ALDH1A1: variants seen among roughly 807,000 people sequenced by gnomAD.
ALDH1A1 encodes the protein aldehyde dehydrogenase 1A1.
ALDH1A1 carries 19 observed loss-of-function variants against 62.1 expected under a neutral mutation model. That is an observed-to-expected ratio of 0.31 (90% CI 0.21 to 0.45). The LOEUF is 0.45. Ranked by LOEUF, ALDH1A1 falls within the 20% of genes least tolerant of loss-of-function variation. The probability of loss-of-function intolerance (pLI) is 1.00; values close to 1 mark genes in which losing one functional copy is unlikely to be tolerated. For synonymous variants in ALDH1A1, 231 were observed against 215.9 expected, an observed-to-expected ratio of 1.07 and a Z score of -0.61; for missense variants, 521 against 607.1, an observed-to-expected ratio of 0.86 and a Z score of 1.49.
intron 3 of ALDH1A1, among the ~76,000 whole-genome samples, chr9:72,929,801 C>A (rs924500587): frequency 2.6e-5 from 4 of 152,162 alleles, no homozygotes; most frequent in Non-Finnish European, 5.9e-5. Flanking sequence ...CAAAATTTAA[C>A]CAAATGTGAC....
At position 72,912,056 on chromosome 9, in the gene ALDH1A1, G is replaced by T. The variant is rs747487020; in HGVS notation, c.1102C>A (p.Leu368Met). ...IESGKKEGAK[L>M]ECGGGPWGNK... ...CCCCACGGGCCTCCTCCACATTCCA[G>T]TTTGGCCCCTTCTTTCTTCCCACTC... Residue 368 changes from leucine (L) to methionine (M), a missense_variant, in exon 10 of 13, where the codon CTG becomes ATG. By Grantham distance (15) the Leu-to-Met change is conservative. Coordinates refer to ENST00000297785, the MANE Select transcript of ALDH1A1 (RefSeq NM_000689.5). 1.9e-6 allele frequency: 3 copies of T among 1,613,756 alleles called. No individual in the cohort carries two copies. The South Asian group carries it at 3.3e-5, about 18-fold the overall frequency.
chr9:72,914,189 G>T (rs1451063141), intron 9 of ALDH1A1, among the ~76,000 whole-genome samples: 2 of 152,022 alleles, frequency 1.3e-5, no homozygotes, highest in African/African-American at 2.4e-5. Context: ...AGGCTTAATG[G>T]GTTAAAGAAG....
intron 7 of ALDH1A1, among the ~76,000 whole-genome samples, chr9:72,920,993 AT>A (rs984696689): frequency 2.6e-5 from 4 of 152,214 alleles, no homozygotes; most frequent in Non-Finnish European, 4.4e-5. Context: ...CACGCCTGTA[AT>A]CCCAGCACTC....
intron 1 of ALDH1A1, 112 bp from the exon 2 acceptor site, chr9:72,940,364 C>T: frequency 1.4e-6 from 1 of 733,664 alleles, no homozygotes. Flanking sequence ...ATGCACATCT[C>T]TTCACCTCTC....
intron 7 of ALDH1A1, among the ~76,000 whole-genome samples, chr9:72,921,101 G>T (rs542320235): frequency 6.6e-6 from 1 of 152,102 alleles, no homozygotes; most frequent in Non-Finnish European, 1.5e-5. Context: ...CAAAAAATTA[G>T]CTGGGCGTGG....
chr9:72,906,017 G>T lies in ALDH1A1; in HGVS notation c.1374C>A (p.Gly458=). 6.2e-7 allele frequency: 1 copy of T among 1,611,196 alleles called. No individual in the cohort carries two copies. Among genetic ancestry groups the T allele is most frequent in the South Asian group, 1.1e-5 (1 of 90,634 alleles). Residue 458 remains glycine, a synonymous_variant, in exon 12 of 13, where the codon GGC becomes GGA. Transcript: ENST00000297785. ...CAAAGGGGCACTGGGCACTTACCAC[G>T]CCATAGCAATTCACCCTGAAGGAAA... ...QAGTVWVNCY[G]VVSAQCPFGG...
chr9:72,903,930 G>A (rs191650334), intron 12 of ALDH1A1, among the ~76,000 whole-genome samples: 1 of 152,158 alleles, frequency 6.6e-6, no homozygotes, highest in Admixed American at 6.6e-5. Flanking sequence ...TTTGTACAAA[G>A]TAATTAGTTT....
intron 6 of ALDH1A1, among the ~76,000 whole-genome samples, chr9:72,924,616 T>C (rs1393302939): frequency 6.6e-6 from 1 of 152,212 alleles, no homozygotes; most frequent in Non-Finnish European, 1.5e-5. Context: ...GTTAAGTAAA[T>C]ACTGTCATCC....
At chr9:72,921,503 C>CTTTTTTTTTTTTTTTTTTTTTT (rs11327072) in intron 7 of ALDH1A1, among the ~76,000 whole-genome samples, 3 of 109,504 alleles carry the variant, frequency 2.7e-5, no homozygotes, top group Non-Finnish European at 5.4e-5. Context: ...ACATTTAATT[C>CTTTTTTTTTTTTTTTTTTTTTT]TTTTTTTTTT....
At chr9:72,924,277 C>T (rs1830178915) in intron 6 of ALDH1A1, 145 bp from the exon 7 acceptor site, 2 of 573,452 alleles carry the variant, frequency 3.5e-6, no homozygotes, top group East Asian at 3.1e-5. Context: ...ATTCTTTAGT[C>T]TTATTATGTC....
In ALDH1A1 at chr9:72,948,618, A is replaced by C. The variant is rs1246712354; in HGVS notation, c.66+4317T>G. ...TTAAAGCACCTTCCCAAAAATCCTC[A>C]TCAAAAGCTCTTCTACTCATATCCT... On this transcript the variant is annotated intron_variant, in intron 1 of 12. Coordinates refer to ENST00000297785, the MANE Select transcript of ALDH1A1 (RefSeq NM_000689.5). 2.6e-5 allele frequency among the ~76,000 whole-genome samples: 4 copies of C among 151,918 alleles called. No homozygotes were observed. In the East Asian group the frequency reaches 7.8e-4, roughly 30 times the overall value.
At chr9:72,909,303 G>A (rs1829949465) in intron 11 of ALDH1A1, among the ~76,000 whole-genome samples, 1 of 151,716 alleles carries the variant, frequency 6.6e-6, no homozygotes, top group East Asian at 1.9e-4. Flanking sequence ...TGGGATTACA[G>A]GCATCACACC....
chr9:72,937,811 G>A (rs1241760629), intron 2 of ALDH1A1, among the ~76,000 whole-genome samples: 1 of 152,210 alleles, frequency 6.6e-6, no homozygotes, highest in African/African-American at 2.4e-5. Context: ...GTGAGAAGCA[G>A]AATGGAGAAT....
At chr9:72,908,552 G>GAAAAGAAGA (rs1363942326) in intron 11 of ALDH1A1, among the ~76,000 whole-genome samples, 5 of 91,850 alleles carry the variant, frequency 5.4e-5, no homozygotes, top group African/African-American at 2.1e-4. Context: ...AGAAAAGAAA[G>GAAAAGAAGA]AAGAAAGAAA....
chr9:72,927,239 G>T, intron 4 of ALDH1A1, 62 bp from the exon 5 acceptor site: 1 of 1,256,810 alleles, frequency 8.0e-7, no homozygotes, highest in Non-Finnish European at 1.1e-6. Context: ...ACAAAATGGT[G>T]GTTGGTGATG....
At chr9:72,929,461 C>T (rs1051368313) in intron 3 of ALDH1A1, among the ~76,000 whole-genome samples, 1 of 152,122 alleles carries the variant, frequency 6.6e-6, no homozygotes, top group African/African-American at 2.4e-5. Flanking sequence ...TTTTACATTC[C>T]ATCTGGATAT....
At chr9:72,918,856 C>A in intron 7 of ALDH1A1, 34 bp from the exon 8 acceptor site, 1 of 1,503,072 alleles carries the variant, frequency 6.7e-7, no homozygotes, top group Non-Finnish European at 9.3e-7. Flanking sequence ...GGAGGCTTAC[C>A]CTGCTCTCAT....
At chr9:72,908,222 C>G (rs1347887109) in intron 11 of ALDH1A1, among the ~76,000 whole-genome samples, 2 of 151,654 alleles carry the variant, frequency 1.3e-5, no homozygotes, top group Admixed American at 6.6e-5. Context: ...GAGTTCGAGA[C>G]CAGTCCGGCC....
intron 2 of ALDH1A1, among the ~76,000 whole-genome samples, chr9:72,931,775 CTGGGTACAAAGAG>C (rs1830284844): frequency 6.6e-6 from 1 of 152,186 alleles, no homozygotes; most frequent in Non-Finnish European, 1.5e-5. Flanking sequence ...CATTTCCCAA[CTGGGTACAAAGAG>C]ATCCTTTTAA....
Sources: gnomAD v4.1 joint callset for allele counts (sites outside exome capture counted in the v4.1 genomes callset) on GRCh38, gnomAD v4.1.1 for gene constraint, MANE v1.5 for transcripts, NCBI Gene and HGNC (gene_info 2026-07-23, HGNC 2026-07-21) for gene names.